PATJ: variants seen among roughly 807,000 people sequenced by gnomAD.
PATJ encodes the protein inaD-like protein.
In PATJ, 190 loss-of-function variants were observed where a neutral mutation model predicts 224.9. The ratio of observed to expected loss-of-function variants is 0.84; its 90% CI spans 0.75 to 0.95. The LOEUF is 0.95. PATJ is among the 40% of genes least tolerant of loss of function. The pLI is 0.00. For synonymous variants in PATJ, 769 were observed against 820.3 expected, an observed-to-expected ratio of 0.94 and a Z score of 1.07; for missense variants, 2,121 against 2,270.3, an observed-to-expected ratio of 0.93 and a Z score of 1.34.
At chr1:61,826,649 A>G (rs1220909354) in intron 15 of PATJ, among the ~76,000 whole-genome samples, 1 of 152,200 alleles carries the variant, frequency 6.6e-6, no homozygotes, top group Non-Finnish European at 1.5e-5. Context: ...GCCAAAAGTA[A>G]TATGAAATTT....
intron 27 of PATJ, among the ~76,000 whole-genome samples, chr1:61,962,076 A>T (rs1681393407): frequency 6.6e-6 from 1 of 151,754 alleles, no homozygotes; most frequent in Non-Finnish European, 1.5e-5. Context: ...TTACTGGGAA[A>T]CCTTTCCTGA....
At chr1:61,869,835 G>A (rs1666052179) in intron 20 of PATJ, among the ~76,000 whole-genome samples, 1 of 152,242 alleles carries the variant, frequency 6.6e-6, no homozygotes. Flanking sequence ...CTCATGGGAG[G>A]GGAGCACTCA....
At chr1:61,962,253 C>T (rs999926388) in intron 27 of PATJ, among the ~76,000 whole-genome samples, 10 of 152,202 alleles carry the variant, frequency 6.6e-5, no homozygotes, top group African/African-American at 2.2e-4. Context: ...TTTAATTCAA[C>T]ATGTCTTGTT....
intron 31 of PATJ, among the ~76,000 whole-genome samples, chr1:62,076,385 G>C (rs925421110): frequency 2.0e-5 from 3 of 152,240 alleles, no homozygotes; most frequent in South Asian, 2.1e-4. Context: ...GTTTAGTTAG[G>C]TTGGATGACC....
chr1:62,143,467 T>C (rs1174062589), intron 41 of PATJ, among the ~76,000 whole-genome samples: 2 of 89,474 alleles, frequency 2.2e-5, no homozygotes, highest in African/African-American at 8.5e-5. Flanking sequence ...TTTTTTTTTT[T>C]TGAGACAGCG....
intron 43 of PATJ, among the ~76,000 whole-genome samples, chr1:62,158,573 T>A (rs1669496723): frequency 1.4e-5 from 2 of 147,812 alleles, no homozygotes; most frequent in African/African-American, 4.9e-5. Context: ...TACAAAAAAT[T>A]AGCCAGGCGT....
intron 30 of PATJ, among the ~76,000 whole-genome samples, chr1:62,046,741 G>C (rs913817989): frequency 6.6e-5 from 10 of 152,200 alleles, no homozygotes; most frequent in Non-Finnish European, 8.8e-5. Context: ...ATGTCCCCCA[G>C]GTAAGGAGAA....
chr1:62,153,389 A>G lies in PATJ; in HGVS notation c.5410A>G (p.Lys1804Glu). 1 of 1,231,772 alleles carries G rather than the reference A, an allele frequency of 8.1e-7. No homozygotes were observed. Among genetic ancestry groups the G allele is most frequent in the South Asian group, 4.1e-5 (1 of 24,320 alleles). The allele number at this position is 1,231,772 out of a possible 1,614,324, so 76.3% of individuals were successfully genotyped here. A position where few individuals can be genotyped will look rare whatever the true frequency, so the allele number is the denominator to read the frequency against. Reference protein sequence around the residue: ...TPPPKIITLEKGSEGLGFSIV... With the variant: ...TPPPKIITLEEGSEGLGFSIV... ...TCCACCTAAGATTATTACTTTGGAG[A>G]AAGGCTCTGAAGGCTTGGGGTTTAG... Residue 1804 changes from lysine (K) to glutamate (E), a missense_variant, in exon 43 of 44, where the codon AAA becomes GAA. Lys to Glu is a moderately conservative substitution (Grantham distance 56). Transcript: ENST00000642238.
Position 61,813,354 on chromosome 1 carries a change from T to TAG in PATJ, c.1683+4825_1683+4826insGA, listed in dbSNP as rs1655274308. On this transcript the variant is annotated intron_variant, in intron 14 of 43. Transcript: ENST00000642238. ...ATGTACATATATATATATATATATA[T>TAG]ATATATATATATATATATATATATA... Among the ~76,000 whole-genome samples, 5 of 43,650 alleles carry TAG rather than the reference T, an allele frequency of 1.1e-4. No homozygotes were observed. The East Asian group carries it at 1.6e-3, about 14-fold the overall frequency. 28.6% of individuals were successfully genotyped at this position (43,650 alleles called of 152,430 possible). A position where few individuals can be genotyped will look rare whatever the true frequency, so the allele number is the denominator to read the frequency against.
chr1:62,047,311 C>G (rs1244336396), intron 30 of PATJ, among the ~76,000 whole-genome samples: 1 of 152,198 alleles, frequency 6.6e-6, no homozygotes, highest in Non-Finnish European at 1.5e-5. Flanking sequence ...GGCTGGAGTG[C>G]AGTGGCGTGA....
intron 7 of PATJ, 50 bp from the exon 8 acceptor site, chr1:61,787,704 G>A (rs370767136): frequency 2.2e-6 from 3 of 1,376,476 alleles, no homozygotes; most frequent in Non-Finnish European, 3.1e-6. Context: ...TTATTAACCA[G>A]TGAAGTTACA....
At chr1:61,791,538 T>A in intron 9 of PATJ, 91 bp downstream of exon 9, 1 of 788,520 alleles carries the variant, frequency 1.3e-6, no homozygotes, top group Non-Finnish European at 2.1e-6. Flanking sequence ...GATTTTAATT[T>A]AAATCTTGAA....
intron 8 of PATJ, among the ~76,000 whole-genome samples, chr1:61,789,037 G>A (rs1005431352): frequency 6.6e-5 from 10 of 152,136 alleles, no homozygotes; most frequent in African/African-American, 1.2e-4. Flanking sequence ...GGCCAGATGC[G>A]GTGGCTTACG....
At chr1:62,129,067 G>T in intron 41 of PATJ, 122 bp downstream of exon 41, 1 of 562,464 alleles carries the variant, frequency 1.8e-6, no homozygotes, top group Non-Finnish European at 3.2e-6. Context: ...GAATTACGAA[G>T]GTTGAAAGCA....
At chr1:62,160,278 A>T (rs1452064477) in intron 43 of PATJ, among the ~76,000 whole-genome samples, 1 of 152,198 alleles carries the variant, frequency 6.6e-6, no homozygotes, top group Non-Finnish European at 1.5e-5. Flanking sequence ...ATGACTGAGT[A>T]TATAATAAAA....
intron 29 of PATJ, among the ~76,000 whole-genome samples, chr1:62,026,340 T>C (rs1324043363): frequency 6.6e-6 from 1 of 152,246 alleles, no homozygotes; most frequent in African/African-American, 2.4e-5. Flanking sequence ...TTCCAATTAA[T>C]ACAGGAAGTA....
chr1:62,093,570 G>A (rs1329777088), intron 33 of PATJ, among the ~76,000 whole-genome samples: 7 of 152,018 alleles, frequency 4.6e-5, no homozygotes. Flanking sequence ...TATTACCTTA[G>A]TTTTATTTTA....
At chr1:61,769,740 A>G (rs892375425) in intron 5 of PATJ, among the ~76,000 whole-genome samples, 8 of 152,184 alleles carry the variant, frequency 5.3e-5, no homozygotes, top group Admixed American at 3.3e-4. Flanking sequence ...CTGCAAAGCT[A>G]GTGCGCTATT....
chr1:61,867,573 ATTTTTTTT>A (rs59246792), intron 20 of PATJ, among the ~76,000 whole-genome samples: 28 of 145,330 alleles, frequency 1.9e-4, no homozygotes, highest in Admixed American at 6.8e-4. Context: ...AATCTGTAAA[ATTTTTTTT>A]TTTTTTTTTT....
Sources: allele counts gnomAD v4.1 joint callset (sites outside exome capture counted in the v4.1 genomes callset), GRCh38; gene constraint gnomAD v4.1.1; transcripts MANE v1.5; gene names NCBI Gene and HGNC (gene_info 2026-07-23, HGNC 2026-07-21).